TBC1D5: variants seen among roughly 807,000 people sequenced by gnomAD.
TBC1D5 encodes TBC1 domain family member 5.
A neutral mutation model predicts 100.3 loss-of-function variants in TBC1D5; 75 were observed. The observed-to-expected ratio is 0.75, with a 90% CI of 0.62 to 0.91. TBC1D5 has a LOEUF of 0.91. Among genes scored for constraint, TBC1D5 ranks in the 40% least tolerant of loss-of-function variants. The pLI is 0.00. For synonymous variants in TBC1D5, 323 were observed against 325.6 expected (o/e 0.99, Z 0.09); for missense variants, 910 against 942.4 (o/e 0.97, Z 0.45).
intron 18 of TBC1D5, among the ~76,000 whole-genome samples, chr3:17,201,796 T>TC (rs1190608085): frequency 1.3e-5 from 2 of 152,178 alleles, no homozygotes; most frequent in Non-Finnish European, 2.9e-5. Flanking sequence ...TCCTGAGGCC[T>TC]CCCCAGCCAC....
intron 1 of TBC1D5, among the ~76,000 whole-genome samples, chr3:17,708,287 T>A (rs2074377978): frequency 6.6e-6 from 1 of 152,242 alleles, no homozygotes; most frequent in Admixed American, 6.5e-5. Flanking sequence ...TATCTATCGA[T>A]CTACTTTGTT....
At chr3:17,479,353 T>C (rs529531971) in intron 3 of TBC1D5, among the ~76,000 whole-genome samples, 37 of 152,298 alleles carry the variant, frequency 2.4e-4, no homozygotes, top group Middle Eastern at 3.4e-3. Context: ...CAGTGAACTG[T>C]GATCGCACCA....
At chr3:17,642,408 GA>G (rs1473839341) in intron 1 of TBC1D5, among the ~76,000 whole-genome samples, 1 of 152,066 alleles carries the variant, frequency 6.6e-6, no homozygotes, top group Non-Finnish European at 1.5e-5. Flanking sequence ...TTTTATAGAT[GA>G]AAAAGGAGAT....
At chr3:17,600,627 G>A (rs1001870238) in intron 2 of TBC1D5, among the ~76,000 whole-genome samples, 1 of 152,060 alleles carries the variant, frequency 6.6e-6, no homozygotes, top group Non-Finnish European at 1.5e-5. Flanking sequence ...GAAATGAGAG[G>A]GAAATTATAA....
At chr3:17,158,000 T>C (rs1240131372) in exon 22 of TBC1D5, 1 of 152,256 alleles carries the variant, frequency 6.6e-6, no homozygotes, top group African/African-American at 2.4e-5. Context: ...ATATTATTTC[T>C]TTCCGGATTG....
At chr3:17,176,203 A>G (rs984357329) in intron 19 of TBC1D5, among the ~76,000 whole-genome samples, 5 of 152,200 alleles carry the variant, frequency 3.3e-5, no homozygotes, top group Admixed American at 6.5e-5. Context: ...TACACTAGGG[A>G]TACTCTCTCT....
At chr3:17,446,040 CA>C (rs2094785802) in intron 3 of TBC1D5, among the ~76,000 whole-genome samples, 1 of 152,122 alleles carries the variant, frequency 6.6e-6, no homozygotes, top group Non-Finnish European at 1.5e-5. Context: ...GGGTCTTAGT[CA>C]TTGCTTAAAA....
At position 17,527,808 on chromosome 3, in the gene TBC1D5, C is replaced by T. The variant is rs183862070; in HGVS notation, c.-35-19203G>A. 1.6e-3 allele frequency among the ~76,000 whole-genome samples: 251 copies of T among 152,256 alleles called. 2 individuals are homozygous for T. Among genetic ancestry groups the T allele is most frequent in the African/African-American group, 5.8e-3 (242 of 41,544 alleles). On this transcript the variant is annotated intron_variant, in intron 2 of 21. Transcript: ENST00000253692. ...CCAGATGACAATCTTCAAGATGTTT[C>T]TCATATTTTTGGAGAAATAAAAACA... is the stretch of plus-strand genomic sequence containing the variant.
At chr3:17,689,417 T>C (rs1366422350) in intron 1 of TBC1D5, among the ~76,000 whole-genome samples, 1 of 149,836 alleles carries the variant, frequency 6.7e-6, no homozygotes, top group East Asian at 2.0e-4. Context: ...TGTGTGCCTA[T>C]GGCCCCAGCT....
intron 13 of TBC1D5, among the ~76,000 whole-genome samples, chr3:17,347,929 G>A (rs2090112765): frequency 6.6e-6 from 1 of 152,174 alleles, no homozygotes; most frequent in African/African-American, 2.4e-5. Flanking sequence ...CTTGAGTCCA[G>A]GAGCTGGAGG....
intron 3 of TBC1D5, among the ~76,000 whole-genome samples, chr3:17,492,256 G>T (rs78413667): frequency 6.6e-6 from 1 of 151,566 alleles, no homozygotes; most frequent in Non-Finnish European, 1.5e-5. Flanking sequence ...GATTTTTTTT[G>T]AAGGGTTTTC....
intron 17 of TBC1D5, among the ~76,000 whole-genome samples, chr3:17,234,811 C>T (rs2075730445): frequency 6.6e-6 from 1 of 152,062 alleles, no homozygotes; most frequent in African/African-American, 2.4e-5. Flanking sequence ...AGTGTTCTGA[C>T]CACTATGACT....
chr3:17,183,296 A>G (rs1306982932), intron 19 of TBC1D5, among the ~76,000 whole-genome samples: 1 of 152,080 alleles, frequency 6.6e-6, no homozygotes, highest in East Asian at 1.9e-4. Flanking sequence ...TCTGTCCCCA[A>G]AGTGAGGTGG....
chr3:17,232,735 T>C (rs1306086251), intron 17 of TBC1D5, among the ~76,000 whole-genome samples: 2 of 152,110 alleles, frequency 1.3e-5, no homozygotes, highest in Admixed American at 1.3e-4. Context: ...AATACATCAA[T>C]CTCTTAATCA....
intron 13 of TBC1D5, among the ~76,000 whole-genome samples, chr3:17,335,785 C>T (rs1018214362): frequency 2.6e-5 from 4 of 152,018 alleles, no homozygotes; most frequent in African/African-American, 9.7e-5. Context: ...GATGAATTCC[C>T]TTAAAGTTGA....
chr3:17,213,125 A>T (rs998312655), intron 18 of TBC1D5, among the ~76,000 whole-genome samples: 6 of 152,096 alleles, frequency 3.9e-5, no homozygotes, highest in African/African-American at 1.4e-4. Context: ...TGTACCTTTT[A>T]TATGTTTAGA....
intron 3 of TBC1D5, among the ~76,000 whole-genome samples, chr3:17,478,016 T>C (rs1234751554): frequency 6.6e-6 from 1 of 152,056 alleles, no homozygotes; most frequent in African/African-American, 2.4e-5. Context: ...AGAAATGTGA[T>C]TGAAATTAAA....
intron 15 of TBC1D5, among the ~76,000 whole-genome samples, chr3:17,261,666 C>T (rs760546805): frequency 1.3e-5 from 2 of 152,024 alleles, no homozygotes; most frequent in Non-Finnish European, 2.9e-5. Context: ...GGACTACACG[C>T]ATGCACCAAC....
intron 18 of TBC1D5, among the ~76,000 whole-genome samples, chr3:17,202,959 G>C (rs778493613): frequency 6.6e-6 from 1 of 152,216 alleles, no homozygotes; most frequent in African/African-American, 2.4e-5. Context: ...GTCTCCGCTG[G>C]GGCACTGCCT....
Sources: allele counts gnomAD v4.1 joint callset (sites outside exome capture counted in the v4.1 genomes callset), GRCh38; gene constraint gnomAD v4.1.1; transcripts MANE v1.5; gene names NCBI Gene and HGNC (gene_info 2026-07-23, HGNC 2026-07-21).